Variants in NTNG1 observed in about 807,000 individuals in gnomAD.
NTNG1 encodes the protein netrin G1, also known as netrin-G1.
In NTNG1, 16 loss-of-function variants were observed where a neutral mutation model predicts 54.0. The ratio of observed to expected loss-of-function variants is 0.30; its 90% CI spans 0.20 to 0.45. The LOEUF is 0.45. NTNG1 is among the 20% of genes least tolerant of loss of function. The pLI, the probability that NTNG1 is intolerant of heterozygous loss-of-function variation, is 1.00. For missense variants in NTNG1, 530 were observed against 678.7 expected (o/e 0.78, Z 2.43); for synonymous variants, 255 against 263.1 (o/e 0.97, Z 0.30).
At chr1:107,375,395 GT>G (rs1271137062) in intron 3 of NTNG1, among the ~76,000 whole-genome samples, 1 of 152,152 alleles carries the variant, frequency 6.6e-6, no homozygotes, top group Non-Finnish European at 1.5e-5. Flanking sequence ...CGTATATTTT[GT>G]TTTGACTTGT....
intron 7 of NTNG1, among the ~76,000 whole-genome samples, chr1:107,445,509 A>G (rs867161729): frequency 6.6e-6 from 1 of 152,142 alleles, no homozygotes; most frequent in African/African-American, 2.4e-5. Context: ...GGAGAAGATT[A>G]TTTTCCTTAT....
At chr1:107,474,246 G>A (rs1474731332) in intron 7 of NTNG1, among the ~76,000 whole-genome samples, 2 of 152,150 alleles carry the variant, frequency 1.3e-5, no homozygotes, top group African/African-American at 4.8e-5. Flanking sequence ...AGAGAGAGTT[G>A]GGACATGCTT....
intron 4 of NTNG1, among the ~76,000 whole-genome samples, chr1:107,397,444 A>G (rs1167360101): frequency 6.6e-6 from 1 of 152,160 alleles, no homozygotes; most frequent in African/African-American, 2.4e-5. Flanking sequence ...AGTTTAGTGC[A>G]CAGACTCCAG....
chr1:107,151,512 C>T (rs115275561), intron 2 of NTNG1, among the ~76,000 whole-genome samples: 388 of 152,228 alleles, frequency 2.5e-3, no homozygotes, highest in Non-Finnish European at 4.2e-3. Context: ...CACTGCTTAG[C>T]CCCTATATGT....
chr1:107,197,399 A>G (rs1570821257), intron 2 of NTNG1, among the ~76,000 whole-genome samples: 1 of 152,044 alleles, frequency 6.6e-6, no homozygotes, highest in East Asian at 1.9e-4. Context: ...TTTGTTCTTT[A>G]GAAACTGTGT....
chr1:107,399,566 G>A (rs550717526), intron 4 of NTNG1, among the ~76,000 whole-genome samples: 16 of 152,246 alleles, frequency 1.1e-4, no homozygotes, highest in Middle Eastern at 3.4e-3. Flanking sequence ...ACACATGTAT[G>A]TGTCCTTATC....
chr1:107,281,113 T>C (rs1664830434), intron 2 of NTNG1, among the ~76,000 whole-genome samples: 1 of 152,148 alleles, frequency 6.6e-6, no homozygotes, highest in South Asian at 2.1e-4. Flanking sequence ...TAGCACATTC[T>C]GGTGACTGCA....
In NTNG1 at chr1:107,430,840, G is replaced by A. The variant is rs776150484; in HGVS notation, c.1178G>A (p.Gly393Glu). 6.2e-7 allele frequency: 1 copy of A among 1,613,250 alleles called. No individual in the cohort carries two copies. The highest frequency in any genetic ancestry group is 1.1e-5 in the South Asian group (1 of 91,062). The change falls in exon 6 of 8, where the codon GGG becomes GAG. Residue 393 changes from glycine (G) to glutamate (E), a missense_variant. Gly to Glu is a moderately conservative substitution (Grantham distance 98). Around this residue, in one of 2 missense-constraint regions of NTNG1, gnomAD observed 212 missense variants for 213.6 expected, o/e 0.99. Transcript: ENST00000370068. Reference sequence around the variant, plus strand: ...GTGAGCTGTAAACACAACACTAGAGGGCAGCACTGTGAGTTATGCAGGCTG... The same window carrying A: ...GTGAGCTGTAAACACAACACTAGAGAGCAGCACTGTGAGTTATGCAGGCTG... ...ICVSCKHNTR[G>E]QHCELCRLGY...
chr1:107,358,205 A>G (rs1259370926), intron 3 of NTNG1, among the ~76,000 whole-genome samples: 2 of 152,148 alleles, frequency 1.3e-5, no homozygotes, highest in Non-Finnish European at 2.9e-5. Context: ...GAAAAATGCA[A>G]TTGAGAGAAA....
Position 107,382,293 on chromosome 1 carries a change from C to T in NTNG1, c.888-12861C>T, listed in dbSNP as rs115908154. 3.8e-3 allele frequency among the ~76,000 whole-genome samples: 584 copies of T among 152,186 alleles called. 1 individual carries two copies. Among genetic ancestry groups the T allele is most frequent in the African/African-American group, 0.013 (548 of 41,492 alleles). ...AGACATTTTTCAACATAGATCAAAC[C>T]CTTTAAATTTCAAAGAAATTAGCCC... On this transcript the variant is annotated intron_variant, in intron 3 of 7. Transcript: ENST00000370068.
At chr1:107,311,046 CAA>C (rs2101835394) in intron 2 of NTNG1, among the ~76,000 whole-genome samples, 1 of 152,238 alleles carries the variant, frequency 6.6e-6, no homozygotes, top group East Asian at 1.9e-4. Context: ...GGCAAATAAA[CAA>C]AGAGCATATC....
intron 2 of NTNG1, among the ~76,000 whole-genome samples, chr1:107,214,766 C>A (rs1419348387): frequency 1.3e-5 from 2 of 148,262 alleles, no homozygotes; most frequent in Non-Finnish European, 3.0e-5. Context: ...AAAAGTGTTT[C>A]CTTTTCACCA....
intron 2 of NTNG1, among the ~76,000 whole-genome samples, chr1:107,164,012 A>C (rs1324737033): frequency 6.6e-6 from 1 of 152,194 alleles, no homozygotes; most frequent in Non-Finnish European, 1.5e-5. Flanking sequence ...ACTGCTACTC[A>C]ACAAAACAAA....
intron 2 of NTNG1, among the ~76,000 whole-genome samples, chr1:107,153,218 G>T (rs1654722357): frequency 6.6e-6 from 1 of 152,172 alleles, no homozygotes; most frequent in African/African-American, 2.4e-5. Context: ...TAATCTCAGG[G>T]CTATCTATAA....
intron 2 of NTNG1, among the ~76,000 whole-genome samples, chr1:107,266,759 G>T (rs906296658): frequency 6.6e-6 from 1 of 151,696 alleles, no homozygotes; most frequent in East Asian, 2.0e-4. Context: ...ATTATGTGTG[G>T]ACTGCTTTCA....
At chr1:107,276,984 G>A (rs936239112) in intron 2 of NTNG1, among the ~76,000 whole-genome samples, 1 of 152,122 alleles carries the variant, frequency 6.6e-6, no homozygotes, top group South Asian at 2.1e-4. Flanking sequence ...AAAAAGAAGA[G>A]GAAGCTGGGG....
In NTNG1 at chr1:107,306,716, G is replaced by A. The variant is rs1007523571; in HGVS notation, c.247-17566G>A. Reference sequence around the variant, plus strand: ...CAGTGAGCCGAGATCACGCCCTTGCGCTCCAGCCTGGGAGACAGAACAAGA... The same window carrying A: ...CAGTGAGCCGAGATCACGCCCTTGCACTCCAGCCTGGGAGACAGAACAAGA... On this transcript the variant is annotated intron_variant, in intron 2 of 7. Coordinates refer to ENST00000370068, the MANE Select transcript of NTNG1 (RefSeq NM_001113226.3). Among the ~76,000 whole-genome samples the A allele has an allele frequency of 6.0e-5, 9 of 150,504 alleles. 1 individual carries two copies. Among genetic ancestry groups the A allele is most frequent in the South Asian group, 2.1e-4 (1 of 4,786 alleles).
intron 3 of NTNG1, among the ~76,000 whole-genome samples, chr1:107,330,434 G>T (rs1668211765): frequency 6.6e-6 from 1 of 152,156 alleles, no homozygotes; most frequent in Non-Finnish European, 1.5e-5. Context: ...TGATGCTCAA[G>T]TGGAGAATCC....
chr1:107,468,900 A>G (rs1276371593), intron 7 of NTNG1, among the ~76,000 whole-genome samples: 1 of 152,188 alleles, frequency 6.6e-6, no homozygotes, highest in East Asian at 1.9e-4. Flanking sequence ...GTTTGAGACC[A>G]GCCTGACCAA....
Sources: allele counts gnomAD v4.1 joint callset (sites outside exome capture counted in the v4.1 genomes callset), GRCh38; gene constraint gnomAD v4.1.1; regional missense constraint gnomAD v4.1.1; transcripts MANE v1.5; gene names NCBI Gene and HGNC (gene_info 2026-07-23, HGNC 2026-07-21).